The following TRHDE variants were observed in gnomAD, a reference collection of about 807,000 sequenced individuals.
TRHDE encodes thyrotropin releasing hormone degrading enzyme.
In TRHDE, 72 loss-of-function variants were observed where a neutral mutation model predicts 125.7. That is an observed-to-expected ratio of 0.57 (90% CI 0.47 to 0.70). The LOEUF is 0.70. Ranked by LOEUF, TRHDE falls within the 30% of genes least tolerant of loss-of-function variation. The probability of loss-of-function intolerance (pLI) is 0.00; values close to 1 mark genes in which losing one functional copy is unlikely to be tolerated. For missense variants in TRHDE, 1,110 were observed against 1,327.1 expected, an observed-to-expected ratio of 0.84 and a Z score of 2.54; for synonymous variants, 509 against 509.1, an observed-to-expected ratio of 1.00 and a Z score of 0.00.
chr12:72,509,817 A>G (rs1161483499), intron 6 of TRHDE, among the ~76,000 whole-genome samples: 1 of 152,196 alleles, frequency 6.6e-6, no homozygotes, highest in African/African-American at 2.4e-5. Context: ...GCACTCTAAT[A>G]AGTATTTGTT....
intron 2 of TRHDE, among the ~76,000 whole-genome samples, chr12:72,155,099 A>G (rs1337606392): frequency 6.6e-6 from 1 of 152,010 alleles, no homozygotes; most frequent in Non-Finnish European, 1.5e-5. Flanking sequence ...ATTTCTTTTT[A>G]TTCTTTTTTC....
chr12:72,577,702 TTTTA>T (rs1434228433), intron 12 of TRHDE, among the ~76,000 whole-genome samples: 1 of 152,194 alleles, frequency 6.6e-6, no homozygotes, highest in African/African-American at 2.4e-5. Context: ...AGATGAAATA[TTTTA>T]TTTAATTTTA....
At chr12:72,130,666 G>A (rs987479966) in intron 2 of TRHDE, among the ~76,000 whole-genome samples, 8 of 152,132 alleles carry the variant, frequency 5.3e-5, no homozygotes, top group African/African-American at 1.9e-4. Flanking sequence ...ACACCACAAT[G>A]GATGAAATAC....
Position 72,499,511 on chromosome 12 carries a change from T to G in TRHDE, c.1598T>G (p.Phe533Cys). Residue 533 changes from phenylalanine (F) to cysteine (C), a missense_variant, in exon 6 of 19, where the codon TTT becomes TGT. Physicochemically the swap from Phe to Cys is radical, Grantham distance 205. Around this residue, in one of 5 missense-constraint regions of TRHDE, gnomAD observed 527 missense variants for 651.8 expected, o/e 0.81. Transcript: ENST00000261180. The part of the protein sequence containing the change: ...YPGWNMEKQR[F>C]LTDVLHEVML... Reference sequence around the variant, plus strand: ...GCTGTATTGCAGGAAAAGCAGAGGTTTCTGACCGATGTTCTGCATGAAGTG... The same window carrying G: ...GCTGTATTGCAGGAAAAGCAGAGGTGTCTGACCGATGTTCTGCATGAAGTG... 1 of 1,613,638 alleles carries G rather than the reference T, an allele frequency of 6.2e-7. No homozygotes were observed. The highest frequency in any genetic ancestry group is 8.5e-7 in the Non-Finnish European group (1 of 1,179,748).
chr12:72,362,045 C>T (rs10879414), intron 2 of TRHDE, among the ~76,000 whole-genome samples: 20,093 of 20,372 alleles, frequency 0.99, 9,907 homozygotes, highest in Middle Eastern at 1. Context: ...GTCTTTATAG[C>T]AGCATGATTT....
chr12:72,421,471 A>G (rs765875146), intron 3 of TRHDE, among the ~76,000 whole-genome samples: 6 of 152,178 alleles, frequency 3.9e-5, no homozygotes, highest in Admixed American at 6.5e-5. Flanking sequence ...ATGGCCAGAG[A>G]AGAAGCACAG....
intron 6 of TRHDE, among the ~76,000 whole-genome samples, chr12:72,502,149 C>G (rs1878182307): frequency 6.6e-6 from 1 of 152,004 alleles, no homozygotes; most frequent in Non-Finnish European, 1.5e-5. Context: ...CTCTTGTTTT[C>G]TATTTCATAG....
chr12:72,353,188 A>G (rs971804706), intron 2 of TRHDE, among the ~76,000 whole-genome samples: 3 of 151,722 alleles, frequency 2.0e-5, no homozygotes, highest in African/African-American at 7.2e-5. Flanking sequence ...TATGTTCACA[A>G]AAATGACCTA....
At chr12:72,300,054 G>A (rs1006440083) in intron 2 of TRHDE, among the ~76,000 whole-genome samples, 10 of 152,050 alleles carry the variant, frequency 6.6e-5, no homozygotes. Flanking sequence ...ACCTTTTTTA[G>A]TTTCAGGAAT....
At chr12:72,191,502 T>C (rs1877339238) in intron 2 of TRHDE, among the ~76,000 whole-genome samples, 1 of 152,188 alleles carries the variant, frequency 6.6e-6, no homozygotes, top group Non-Finnish European at 1.5e-5. Context: ...CCCTGACTGA[T>C]ATAGGCAGGA....
intron 7 of TRHDE, among the ~76,000 whole-genome samples, chr12:72,558,375 A>C (rs1328899320): frequency 1.3e-5 from 2 of 152,194 alleles, no homozygotes; most frequent in African/African-American, 4.8e-5. Context: ...AGAGAATTGC[A>C]TGTGCAGAGA....
rs572121648 is a variant in TRHDE, at chr12:72,125,983, A to G, written n.279+20231A>G. ...AGTATTAGAGAGGAGTGAGCCACAA[A>G]AATAAAACAAAACAAAACAAAACAC... On this transcript the variant is annotated intron_variant and non_coding_transcript_variant, in intron 2 of 4. Coordinates refer to the TRHDE transcript ENST00000548156. 1.8e-4 allele frequency among the ~76,000 whole-genome samples: 27 copies of G among 152,264 alleles called. No individual in the cohort carries two copies. In the South Asian group the frequency reaches 5.2e-3, roughly 29 times the overall value.
intron 2 of TRHDE, among the ~76,000 whole-genome samples, chr12:72,194,702 C>G (rs1877404831): frequency 6.6e-6 from 1 of 152,120 alleles, no homozygotes; most frequent in Admixed American, 6.5e-5. Flanking sequence ...CTGCGAAGGA[C>G]ATGATTCCAT....
chr12:72,661,048 A>G (rs1455013858), intron 18 of TRHDE, among the ~76,000 whole-genome samples: 1 of 152,146 alleles, frequency 6.6e-6, no homozygotes, highest in Non-Finnish European at 1.5e-5. Context: ...TCTGATGAGT[A>G]AGTTCCTCTT....
chr12:72,565,103 T>C (rs1191777787), intron 9 of TRHDE, among the ~76,000 whole-genome samples: 1 of 152,320 alleles, frequency 6.6e-6, no homozygotes, highest in Non-Finnish European at 1.5e-5. Flanking sequence ...TACAATTTCA[T>C]ATTATTGATC....
intron 2 of TRHDE, among the ~76,000 whole-genome samples, chr12:72,151,390 T>C (rs1028985081): frequency 5.8e-4 from 88 of 152,316 alleles, no homozygotes; most frequent in African/African-American, 2.0e-3. Flanking sequence ...GCAGAAGCTC[T>C]TTAGTTTAAT....
intron 2 of TRHDE, among the ~76,000 whole-genome samples, chr12:72,319,110 A>G (rs940746968): frequency 1.3e-5 from 2 of 152,176 alleles, no homozygotes; most frequent in African/African-American, 4.8e-5. Flanking sequence ...GAATACAGGA[A>G]TAGAAAAGCA....
At chr12:72,334,901 C>T (rs572806332) in intron 2 of TRHDE, among the ~76,000 whole-genome samples, 2 of 152,080 alleles carry the variant, frequency 1.3e-5, no homozygotes, top group African/African-American at 2.4e-5. Context: ...GGCAGGGGGA[C>T]GGAAGAGAGC....
At chr12:72,506,271 C>T (rs1202240681) in intron 6 of TRHDE, among the ~76,000 whole-genome samples, 1 of 151,978 alleles carries the variant, frequency 6.6e-6, no homozygotes, top group Admixed American at 6.6e-5. Context: ...TAATAGATCT[C>T]CTGCACTCCA....
Sources: allele counts gnomAD v4.1 joint callset (sites outside exome capture counted in the v4.1 genomes callset), GRCh38; gene constraint gnomAD v4.1.1; regional missense constraint gnomAD v4.1.1; transcripts MANE v1.5; gene names NCBI Gene and HGNC (gene_info 2026-07-23, HGNC 2026-07-21).